TTN: variants seen among roughly 807,000 people sequenced by gnomAD.
The protein encoded by TTN is connectin.
TTN carries 1,525 observed loss-of-function variants against 3,223.0 expected under a neutral mutation model. The observed-to-expected ratio is 0.47, with a 90% CI of 0.45 to 0.49. The LOEUF (loss-of-function observed/expected upper bound fraction) is 0.49, where lower values mean the gene tolerates loss of function less well. Ranked by LOEUF, TTN falls within the 20% of genes least tolerant of loss-of-function variation. TTN has a pLI of 0.00. For synonymous variants in TTN, 14,094 were observed against 15,161.0 expected (o/e 0.93, Z 5.17); for missense variants, 40,786 against 43,424.0 (o/e 0.94, Z 5.40).
rs727504754 is a variant in TTN, at chr2:178,586,708, A to C, written c.64193T>G (p.Ile21398Ser). 6.8e-6 allele frequency: 11 copies of C among 1,613,134 alleles called. 1 individual carries two copies. In the South Asian group the frequency reaches 1.2e-4, roughly 18 times the overall value. ...TCTGTAACTAGTGATGTAGCCATCGATTTTAGCACCTCCATCACGTAGGGG... is the reference window on the plus strand; with the variant it reads ...TCTGTAACTAGTGATGTAGCCATCGCTTTTAGCACCTCCATCACGTAGGGG... ...LPPLRDGGAK[I>S]DGYITSYREE... Residue 21398 changes from isoleucine to serine, a missense_variant, in exon 308 of 363, where the codon ATC becomes AGC. Coordinates refer to ENST00000589042, the MANE Select transcript of TTN (RefSeq NM_001267550.2).
Position 178,666,718 on chromosome 2 carries a change from G to A in TTN, c.35875+106C>T, listed in dbSNP as rs1004876376. 52 of 921,230 alleles carry A rather than the reference G, an allele frequency of 5.6e-5. No individual in the cohort carries two copies. The Admixed American group carries it at 6.3e-4, about 11-fold the overall frequency. The allele number at this position is 921,230 out of a possible 1,614,324, so 57.1% of individuals were successfully genotyped here. On this transcript the variant is annotated intron_variant, in intron 163 of 362. Coordinates refer to ENST00000589042, the MANE Select transcript of TTN (RefSeq NM_001267550.2). ...TACTTGGGGGATCCATCTCTGAAAT[G>A]ATTTCCACTGTAGCCACTTTGGCTT... is the stretch of plus-strand genomic sequence containing the variant.
At position 178,565,242 on chromosome 2, in the gene TTN, T is replaced by A; in HGVS notation, c.80890A>T (p.Asn26964Tyr). The change falls in exon 326 of 363, where the codon AAT becomes TAT. Residue 26964 changes from asparagine to tyrosine, a missense_variant. Coordinates refer to ENST00000589042, the MANE Select transcript of TTN (RefSeq NM_001267550.2). The part of the protein sequence containing the change: ...ATNSAGTATE[N>Y]LSVIVLEKPG... Reference sequence around the variant, plus strand: ...TTTTCTAAAACGATAACACTGAGATTTTCTGTTGCTGTGCCTGCACTATTT... The same window carrying A: ...TTTTCTAAAACGATAACACTGAGATATTCTGTTGCTGTGCCTGCACTATTT... The A allele has an allele frequency of 1.2e-6, 2 of 1,613,538 alleles. No individual in the cohort carries two copies. The highest frequency in any genetic ancestry group is 1.7e-6 in the Non-Finnish European group (2 of 1,179,674).
Position 178,781,756 on chromosome 2 carries a change from C to T in TTN, c.3380+456G>A, listed in dbSNP as rs191310616. Among the ~76,000 whole-genome samples the T allele has an allele frequency of 1.3e-3, 194 of 152,176 alleles. 1 individual carries two copies. In the East Asian group the frequency reaches 0.028, roughly 22 times the overall value. ...ATCTTAAATTGCAAAATATTCAGAG[C>T]TAAATTTTATATTGAATTGAAGAAA... is the stretch of plus-strand genomic sequence containing the variant. On this transcript the variant is annotated intron_variant, in intron 20 of 362. Coordinates refer to ENST00000589042, the MANE Select transcript of TTN (RefSeq NM_001267550.2).
rs1465961266 is a variant in TTN at position 178,576,275 on chromosome 2, G to A, written c.69857C>T (p.Ala23286Val). 1 of 1,606,114 alleles carries A rather than the reference G, an allele frequency of 6.2e-7. No individual in the cohort carries two copies. The highest frequency in any genetic ancestry group is 1.7e-5 in the Admixed American group (1 of 58,888). ...VVEHQKVGDE[A>V]WIKDTTGTAL... is the part of the protein sequence containing the mutation. The stretch of plus-strand genomic sequence containing the variant: ...GGTTCCTGTGGTATCTTTTATCCAG[G>A]CCTCGTCTCCTACTTTTTGATGCTC... Residue 23286 changes from alanine to valine, a missense_variant, in exon 326 of 363, where the codon GCC becomes GTC. Transcript: ENST00000589042. This position sits in a 1 kb window ranked among gnomAD's most constrained non-coding sequence, Gnocchi z 4.3.
chr2:178,612,585 G>C lies in TTN; in HGVS notation c.49949-9C>G. On this transcript the variant is annotated splice_polypyrimidine_tract_variant and intron_variant, in intron 265 of 362. Coordinates refer to ENST00000589042, the MANE Select transcript of TTN (RefSeq NM_001267550.2). The stretch of plus-strand genomic sequence containing the variant: ...TGGTGGTGATGGAGGATCTGAAAAA[G>C]AAGGAAGGAAAACAAATTCATTTTT... 2 of 1,590,872 alleles carry C rather than the reference G, an allele frequency of 1.3e-6. No homozygotes were observed. Among genetic ancestry groups the C allele is most frequent in the South Asian group, 2.3e-5 (2 of 86,790 alleles).
Position 178,718,950 on chromosome 2 carries a change from GGGT to G in TTN, c.24247_24249del (p.Thr8083del), listed in dbSNP as rs776895010. 1 of 1,608,640 alleles carries G rather than the reference GGGT, an allele frequency of 6.2e-7. No individual in the cohort carries two copies. Among genetic ancestry groups the G allele is most frequent in the Admixed American group, 1.7e-5 (1 of 59,496 alleles). On this transcript the variant is annotated inframe_deletion, in exon 84 of 363. Transcript: ENST00000589042. ...CCAGGCAAAACTTCCACAGAATCAG[GGGT>G]TTGTTCAAAAGATGGTGGTTCTAGA... is the stretch of plus-strand genomic sequence containing the variant.
In TTN at chr2:178,728,691, G is replaced by T; in HGVS notation, c.19235C>A (p.Pro6412Gln). Residue 6412 changes from proline (P) to glutamine (Q), a missense_variant, in exon 66 of 363, where the codon CCA (proline) becomes CAA (glutamine). Physicochemically the swap from Pro to Gln is moderately conservative, Grantham distance 76. Transcript: ENST00000589042. ...MTLECVVAGTPELKVKWLKDG... is the reference protein window; with the variant it reads ...MTLECVVAGTQELKVKWLKDG... ...TTTAAGCCATTTCACTTTGAGTTCTGGTGTTCCAGCCACAACACATTCCAA... is the reference window on the plus strand; with the variant it reads ...TTTAAGCCATTTCACTTTGAGTTCTTGTGTTCCAGCCACAACACATTCCAA... 3 of 1,613,278 alleles carry T rather than the reference G, an allele frequency of 1.9e-6. No homozygotes were observed. The highest frequency in any genetic ancestry group is 2.5e-6 in the Non-Finnish European group (3 of 1,179,550).
intron 8 of TTN, 34 bp downstream of exon 8, chr2:178,794,365 C>T (rs1476979924): frequency 6.2e-7 from 1 of 1,613,358 alleles, no homozygotes; most frequent in Non-Finnish European, 8.5e-7. Context: ...AAGGACGTGG[C>T]TCTGCGGGTG....
chr2:178,546,453 G>T lies in TTN; in HGVS notation c.94878C>A (p.Thr31626=). 1 of 1,613,622 alleles carries T rather than the reference G, an allele frequency of 6.2e-7. No homozygotes were observed. Among genetic ancestry groups the T allele is most frequent in the Non-Finnish European group, 8.5e-7 (1 of 1,179,718 alleles). ...LDARLHGDLV[T]IRAGSDLVLD... Reference sequence around the variant, plus strand: ...GAACAAGATCAGAACCTGCTCTGATGGTAACCAGATCACCGTGTAATCGGG... The same window carrying T: ...GAACAAGATCAGAACCTGCTCTGATTGTAACCAGATCACCGTGTAATCGGG... The change falls in exon 342 of 363, where the codon ACC becomes ACA. Residue 31626 remains threonine, a synonymous_variant. Coordinates refer to ENST00000589042, the MANE Select transcript of TTN (RefSeq NM_001267550.2).
At chr2:178,799,465 G>C (rs372161134) in intron 6 of TTN, 22 bp downstream of exon 6, 61 of 1,613,820 alleles carry the variant, frequency 3.8e-5, no homozygotes, top group Non-Finnish European at 4.7e-5. Flanking sequence ...GCAATAATCT[G>C]CTCTCTCTAT....
In TTN at chr2:178,728,728, C is replaced by A. The variant is rs2079819482; in HGVS notation, c.19198G>T (p.Asp6400Tyr). The A allele has an allele frequency of 1.9e-6, 3 of 1,610,276 alleles. No individual in the cohort carries two copies. Among genetic ancestry groups the A allele is most frequent in the African/African-American group, 2.7e-5 (2 of 74,866 alleles). Residue 6400 changes from aspartate to tyrosine, a missense_variant, in exon 66 of 363, where the codon GAT becomes TAT. By Grantham distance (160) the Asp-to-Tyr change is radical. Coordinates refer to ENST00000589042, the MANE Select transcript of TTN (RefSeq NM_001267550.2). ...ACAACACATTCCAAGGTCATGGGAT[C>A]TTTCTCCGTAACATCAACTGATTTA... The part of the protein sequence containing the change: ...KAKSVDVTEK[D>Y]PMTLECVVAG...
Position 178,768,169 on chromosome 2 carries a change from T to G in TTN, c.9164-14A>C. 1.2e-6 allele frequency: 2 copies of G among 1,613,774 alleles called. No homozygotes were observed. The highest frequency in any genetic ancestry group is 1.7e-6 in the Non-Finnish European group (2 of 1,179,800). On this transcript the variant is annotated splice_polypyrimidine_tract_variant and intron_variant, in intron 38 of 362. Coordinates refer to ENST00000589042, the MANE Select transcript of TTN (RefSeq NM_001267550.2). The stretch of plus-strand genomic sequence containing the variant: ...CTATATGACGAGCTGGAAAATAGCA[T>G]GTAGAAAAATTAACATTTTTAACAG...
intron 59 of TTN, 35 bp from the exon 60 acceptor site, chr2:178,731,238 A>G (rs1468699861): frequency 6.2e-7 from 1 of 1,610,662 alleles, no homozygotes; most frequent in African/African-American, 1.3e-5. Flanking sequence ...TGGGTTGTGC[A>G]TTACCCTGCT....
intron 221 of TTN, 82 bp from the exon 222 acceptor site, chr2:178,640,192 G>T: frequency 2.4e-6 from 3 of 1,269,500 alleles, no homozygotes; most frequent in Non-Finnish European, 3.4e-6. Flanking sequence ...TTAAGCCCAC[G>T]TATCTTGGAA....
intron 335 of TTN, 68 bp from the exon 336 acceptor site, chr2:178,551,328 A>G: frequency 7.8e-7 from 1 of 1,282,322 alleles, no homozygotes; most frequent in Non-Finnish European, 1.0e-6. Context: ...TCCATGGAAG[A>G]ACAATACAAT....
chr2:178,705,459 G>T, intron 102 of TTN, 102 bp from the exon 103 acceptor site: 6 of 913,446 alleles, frequency 6.6e-6, no homozygotes, highest in African/African-American at 1.7e-5. Flanking sequence ...GGTTTTCTAT[G>T]TTCTTTATTC....
rs745962752 is a variant in TTN, at chr2:178,544,221, A to G, written c.96008T>C (p.Ile32003Thr). The change falls in exon 345 of 363, where the codon ATT becomes ACT. Residue 32003 changes from isoleucine (I) to threonine (T), a missense_variant. Coordinates refer to ENST00000589042, the MANE Select transcript of TTN (RefSeq NM_001267550.2). ...AATACCTATTCTTTCCACGGGCTCA[A>G]TTTCAGCAATTGATTCGCTGTATTC... ...MSEYSESIAE[I>T]EPVERIEIPD... 2.7e-5 allele frequency: 43 copies of G among 1,613,120 alleles called. No individual in the cohort carries two copies. The East Asian group carries it at 7.4e-4, about 28-fold the overall frequency.
At position 178,579,868 on chromosome 2, in the gene TTN, A is replaced by T. The variant is rs528238459; in HGVS notation, c.67349-20T>A. 2.5e-6 allele frequency: 4 copies of T among 1,612,408 alleles called. No homozygotes were observed. The East Asian group carries it at 6.7e-5, about 27-fold the overall frequency. On this transcript the variant is annotated intron_variant, in intron 318 of 362. Transcript: ENST00000589042. ...GAGTTTCTAAAGCAAAGGAGAAATG[A>T]TAAGTGTAAGCCCCATATAACAAAG... is the stretch of plus-strand genomic sequence containing the variant.
Position 178,560,682 on chromosome 2 carries a change from C to A in TTN, c.85450G>T (p.Asp28484Tyr), listed in dbSNP as rs56330345. The A allele has an allele frequency of 1.4e-5, 23 of 1,613,438 alleles. No individual in the cohort carries two copies. Among genetic ancestry groups the A allele is most frequent in the Non-Finnish European group, 1.9e-5 (23 of 1,179,778 alleles). ...RPQEDGGADI[D>Y]YYIVEKRETS... Reference sequence around the variant, plus strand: ...TCACGTTTTTCTACGATGTAATAGTCGATATCTGCACCACCATCTTCTTGG... The same window carrying A: ...TCACGTTTTTCTACGATGTAATAGTAGATATCTGCACCACCATCTTCTTGG... Residue 28484 changes from aspartate (D) to tyrosine (Y), a missense_variant, in exon 326 of 363, where the codon GAC (aspartate) becomes TAC (tyrosine). Coordinates refer to ENST00000589042, the MANE Select transcript of TTN (RefSeq NM_001267550.2).
Sources: allele counts gnomAD v4.1 joint callset (sites outside exome capture counted in the v4.1 genomes callset), GRCh38; gene constraint gnomAD v4.1.1; non-coding constraint Gnocchi (gnomAD v3.1); transcripts MANE v1.5; gene names NCBI Gene and HGNC (gene_info 2026-07-23, HGNC 2026-07-21).